The following TENM1 variants were observed in gnomAD, a reference collection of about 807,000 sequenced individuals.
TENM1 encodes the protein teneurin-1.
Under a neutral mutation model 174.8 loss-of-function variants are expected in TENM1, and 35 were observed. That is an observed-to-expected ratio of 0.20 (90% CI 0.15 to 0.27). The LOEUF (loss-of-function observed/expected upper bound fraction) is 0.27. TENM1 is among the 10% of genes least tolerant of loss of function. TENM1 has a pLI of 1.00. For synonymous variants in TENM1, 781 were observed against 798.7 expected (o/e 0.98, Z 0.37); for missense variants, 1,633 against 2,130.1 (o/e 0.77, Z 4.59).
At chrX:124,743,308 C>CTTTATT (rs1450025512) in intron 3 of TENM1, among the ~76,000 whole-genome samples, 3 of 111,704 alleles carry the variant, frequency 2.7e-5, no homozygotes, top group Non-Finnish European at 5.7e-5. Context: ...ATTAATATAC[C>CTTTATT]AACATCCTTT....
At chrX:124,684,634 T>C (rs1486677976) in intron 5 of TENM1, among the ~76,000 whole-genome samples, 1 of 110,773 alleles carries the variant, frequency 9.0e-6, no homozygotes, top group East Asian at 2.9e-4. Flanking sequence ...CTGGTCCCTG[T>C]GGCTCCAGGC....
chrX:125,050,623 C>T, the TENM1 span, among the ~76,000 whole-genome samples: 2 of 111,547 alleles, frequency 1.8e-5, no homozygotes, highest in Admixed American at 9.5e-5. Flanking sequence ...AATAAACATA[C>T]GTGTGCATGT....
chrX:124,624,710 T>G (rs982179370), intron 11 of TENM1, among the ~76,000 whole-genome samples: 1 of 111,870 alleles, frequency 8.9e-6, no homozygotes, highest in Non-Finnish European at 1.9e-5. Flanking sequence ...AGTTTCTTCA[T>G]TTATAAAATG....
the TENM1 span, among the ~76,000 whole-genome samples, chrX:124,977,077 A>G: frequency 8.9e-6 from 1 of 111,988 alleles, no homozygotes; most frequent in African/African-American, 3.2e-5. Flanking sequence ...ACTTGGAGTC[A>G]GGAAGTCTGA....
At chrX:125,038,110 C>T in the TENM1 span, among the ~76,000 whole-genome samples, 1 of 111,322 alleles carries the variant, frequency 9.0e-6, no homozygotes, top group Non-Finnish European at 1.9e-5. Flanking sequence ...TCCAGGCACT[C>T]CAGTAGATCA....
intron 3 of TENM1, among the ~76,000 whole-genome samples, chrX:124,889,315 T>C (rs1373100829): frequency 9.0e-6 from 1 of 111,378 alleles, no homozygotes; most frequent in Non-Finnish European, 1.9e-5. Context: ...GAGAAAATTA[T>C]TCTGTCTCCT....
At chrX:124,591,573 G>A (rs112786134) in intron 11 of TENM1, among the ~76,000 whole-genome samples, 3,195 of 111,736 alleles carry the variant, frequency 0.029, 108 homozygotes, top group African/African-American at 0.091. Flanking sequence ...GGCTTGTAAG[G>A]TTTCTGCTGA....
At chrX:124,683,584 C>T (rs191806523) in intron 5 of TENM1, among the ~76,000 whole-genome samples, 1 of 111,811 alleles carries the variant, frequency 8.9e-6, no homozygotes, top group Non-Finnish European at 1.9e-5. Flanking sequence ...ACATGTACAT[C>T]TGCAAAATCT....
the TENM1 span, among the ~76,000 whole-genome samples, chrX:124,997,306 G>GTA: frequency 9.0e-6 from 1 of 111,503 alleles, no homozygotes. Flanking sequence ...CTGAATTATG[G>GTA]TACAGAATAT....
intron 22 of TENM1, among the ~76,000 whole-genome samples, chrX:124,472,768 C>T (rs770499433): frequency 5.4e-5 from 6 of 111,117 alleles, no homozygotes; most frequent in Non-Finnish European, 9.4e-5. Flanking sequence ...AGTCAACACA[C>T]TGTAGACTTC....
intron 27 of TENM1, among the ~76,000 whole-genome samples, chrX:124,401,917 C>A (rs916240555): frequency 3.6e-5 from 4 of 111,879 alleles, no homozygotes; most frequent in Non-Finnish European, 7.5e-5. Flanking sequence ...ACATTAGAGT[C>A]GATTATTTGT....
At chrX:125,015,997 T>C in the TENM1 span, among the ~76,000 whole-genome samples, 4 of 111,743 alleles carry the variant, frequency 3.6e-5, no homozygotes, top group African/African-American at 1.3e-4. Flanking sequence ...GTCTTTTTAG[T>C]TTGAATGTTC....
chrX:124,968,690 G>A (rs960373380), upstream of TENM1, among the ~76,000 whole-genome samples: 11 of 111,436 alleles, frequency 9.9e-5, no homozygotes, highest in Non-Finnish European at 7.5e-5. Context: ...GACACTCAAC[G>A]ATAACTTTTT....
chrX:125,149,418 T>G, the TENM1 span, among the ~76,000 whole-genome samples: 1 of 112,266 alleles, frequency 8.9e-6, no homozygotes, highest in Non-Finnish European at 1.9e-5. Context: ...TATTTGTGTC[T>G]TCTTCTCTTC....
the TENM1 span, among the ~76,000 whole-genome samples, chrX:125,083,352 A>G: frequency 4.5e-5 from 5 of 110,833 alleles, no homozygotes; most frequent in African/African-American, 1.6e-4. Context: ...CTTCTAGTCC[A>G]GTTTATATTC....
At chrX:125,182,461 G>C in the TENM1 span, among the ~76,000 whole-genome samples, 1 of 82,835 alleles carries the variant, frequency 1.2e-5, no homozygotes, top group Non-Finnish European at 2.4e-5. Context: ...GGCGGGGGGG[G>C]GGGCATTTTT....
intron 11 of TENM1, among the ~76,000 whole-genome samples, chrX:124,632,041 T>C (rs1041837519): frequency 2.9e-5 from 3 of 104,185 alleles, no homozygotes; most frequent in East Asian, 6.2e-4. Flanking sequence ...GCTTCCCGAG[T>C]AGCTGGGATT....
intron 5 of TENM1, among the ~76,000 whole-genome samples, chrX:124,681,624 G>A (rs1288439171): frequency 9.0e-6 from 1 of 111,360 alleles, no homozygotes; most frequent in South Asian, 3.7e-4. Context: ...TTGTCATATG[G>A]TATAATAAAG....
the TENM1 span, among the ~76,000 whole-genome samples, chrX:125,032,058 G>C: frequency 1.8e-5 from 2 of 111,694 alleles, no homozygotes; most frequent in Non-Finnish European, 3.8e-5. Flanking sequence ...ACAAGAGATT[G>C]AGATGGTGGG....
Sources: allele counts gnomAD v4.1 joint callset (sites outside exome capture counted in the v4.1 genomes callset), GRCh38; gene constraint gnomAD v4.1.1; transcripts MANE v1.5; gene names NCBI Gene and HGNC (gene_info 2026-07-23, HGNC 2026-07-21).